Variants in ATF7IP2 observed in about 807,000 individuals in gnomAD.
ATF7IP2 encodes activating transcription factor 7-interacting protein 2.
In ATF7IP2, 42 loss-of-function variants were observed where a neutral mutation model predicts 64.2. That is an observed-to-expected ratio of 0.65 (90% CI 0.51 to 0.85). The LOEUF is 0.85. Among genes scored for constraint, ATF7IP2 ranks in the 40% least tolerant of loss-of-function variants. The pLI is 0.00. For synonymous variants in ATF7IP2, 308 were observed against 272.8 expected (o/e 1.13, Z -1.27); for missense variants, 933 against 784.2 (o/e 1.19, Z -2.27).
At chr16:10,387,824 T>TCCCCCCCCCCCCCCCCCCCCC (rs5815573) in intron 1 of ATF7IP2, 5 of 130,576 alleles carry the variant, frequency 3.8e-5, no homozygotes, top group African/African-American at 6.0e-5. Context: ...TCTATTTTAC[T>TCCCCCCCCCCCCCCCCCCCCC]CCCCCCCCCT....
intron 1 of ATF7IP2, among the ~76,000 whole-genome samples, chr16:10,396,182 A>G (rs1446808678): frequency 6.6e-6 from 1 of 152,190 alleles, no homozygotes; most frequent in East Asian, 1.9e-4. Flanking sequence ...TACAAAACAT[A>G]TACTCTGAAA....
At chr16:10,436,282 A>C (rs1232612633) in intron 6 of ATF7IP2, among the ~76,000 whole-genome samples, 1 of 152,152 alleles carries the variant, frequency 6.6e-6, no homozygotes, top group Non-Finnish European at 1.5e-5. Flanking sequence ...AAATCACTTA[A>C]ACATGGTGGG....
intron 9 of ATF7IP2, 186 bp from the exon 10 acceptor site, chr16:10,471,924 A>G: frequency 9.6e-6 from 4 of 414,678 alleles, no homozygotes; most frequent in Non-Finnish European, 1.7e-5. Context: ...CTTTAGTCAT[A>G]TAACGGAACT....
At chr16:10,427,816 C>T (rs564719422) in intron 3 of ATF7IP2, among the ~76,000 whole-genome samples, 1 of 150,774 alleles carries the variant, frequency 6.6e-6, no homozygotes, top group East Asian at 2.0e-4. Context: ...CCATGCTGCA[C>T]TCCAGCCTGG....
intron 3 of ATF7IP2, among the ~76,000 whole-genome samples, chr16:10,424,554 A>G (rs1283411530): frequency 6.6e-6 from 1 of 152,202 alleles, no homozygotes; most frequent in Non-Finnish European, 1.5e-5. Flanking sequence ...GGGAAAGACA[A>G]TCCATATAAT....
At position 10,482,308 on chromosome 16, in the gene ATF7IP2, C is replaced by T. The variant is rs1053184832; in HGVS notation, c.*59C>T. On this transcript the variant is annotated 3_prime_UTR_variant, in exon 14 of 14. Transcript: ENST00000562102. Reference sequence around the variant, plus strand: ...TCATATTTGTTTGTTTGCAATGTTACTGTAATACTATTTGCCATTGTAAAA... The same window carrying T: ...TCATATTTGTTTGTTTGCAATGTTATTGTAATACTATTTGCCATTGTAAAA... 13 of 1,301,554 alleles carry T rather than the reference C, an allele frequency of 1.0e-5. No homozygotes were observed. In the Admixed American group the frequency reaches 2.7e-4, roughly 27 times the overall value. The allele number at this position is 1,301,554 out of a possible 1,614,324, so 80.6% of individuals were successfully genotyped here.
chr16:10,416,663 G>A (rs762818489), intron 2 of ATF7IP2, among the ~76,000 whole-genome samples: 1 of 152,132 alleles, frequency 6.6e-6, no homozygotes, highest in South Asian at 2.1e-4. Context: ...GTGTGGTAGT[G>A]ATGGGCACCT....
In ATF7IP2 at chr16:10,431,030, C is replaced by G. The variant is rs1192524175; in HGVS notation, c.410C>G (p.Ser137Ter). The change falls in exon 5 of 14, where the codon TCA becomes TGA. Residue 137 changes from serine (S) to a stop codon, truncating the protein, a stop_gained. Coordinates refer to ENST00000562102, the MANE Select transcript of ATF7IP2 (RefSeq NM_001393719.1). LOFTEE classifies it high-confidence loss of function. ...SRVFTEEAKD[S>*]LNTSENDSEH... is the part of the protein sequence containing the mutation. The stretch of plus-strand genomic sequence containing the variant: ...GTCTTCACAGAAGAGGCAAAAGATT[C>G]ACTGAACACTTCTGAAAACGATTCT... The G allele has an allele frequency of 1.2e-6, 2 of 1,614,150 alleles. No homozygotes were observed. The highest frequency in any genetic ancestry group is 8.5e-7 in the Non-Finnish European group (1 of 1,180,032).
chr16:10,474,487 C>A (rs561380127), intron 12 of ATF7IP2, among the ~76,000 whole-genome samples: 32 of 152,102 alleles, frequency 2.1e-4, no homozygotes, highest in South Asian at 1.9e-3. Context: ...TCCCTAACCA[C>A]AACAATAGCA....
intron 3 of ATF7IP2, among the ~76,000 whole-genome samples, chr16:10,427,705 A>G (rs2048112649): frequency 6.6e-6 from 1 of 152,096 alleles, no homozygotes; most frequent in Admixed American, 6.6e-5. Flanking sequence ...AATTTTTTTT[A>G]CAAATTAGCC....
intron 1 of ATF7IP2, among the ~76,000 whole-genome samples, chr16:10,400,931 G>A (rs1301185105): frequency 5.3e-5 from 8 of 151,828 alleles, no homozygotes; most frequent in Admixed American, 2.0e-4. Context: ...TGATCCACCC[G>A]CCTCAGGTGA....
intron 7 of ATF7IP2, among the ~76,000 whole-genome samples, chr16:10,439,533 C>CT (rs760337763): frequency 0.14 from 14,762 of 102,922 alleles, 1,472 homozygotes; most frequent in African/African-American, 0.18. Context: ...CGCCCCCAGC[C>CT]TTTTTTTTTT....
chr16:10,456,991 A>G (rs886330786), intron 8 of ATF7IP2, among the ~76,000 whole-genome samples: 1 of 152,226 alleles, frequency 6.6e-6, no homozygotes, highest in Non-Finnish European at 1.5e-5. Context: ...CAATTGGAAG[A>G]GCAAGTTAGC....
chr16:10,418,656 G>C (rs948469625), intron 2 of ATF7IP2, among the ~76,000 whole-genome samples: 3 of 152,202 alleles, frequency 2.0e-5, no homozygotes, highest in African/African-American at 7.2e-5. Context: ...ATTAAGGTCA[G>C]GTGTGCCTGG....
chr16:10,431,280 T>C lies in ATF7IP2; in HGVS notation c.660T>C (p.Cys220=). 1 of 1,614,210 alleles carries C rather than the reference T, an allele frequency of 6.2e-7. No homozygotes were observed. The highest frequency in any genetic ancestry group is 8.5e-7 in the Non-Finnish European group (1 of 1,180,042). Residue 220 remains cysteine (C), a synonymous_variant, in exon 5 of 14, where the codon TGT becomes TGC. Coordinates refer to ENST00000562102, the MANE Select transcript of ATF7IP2 (RefSeq NM_001393719.1). ...AAAGGCAAAGTGACAACATTTTATG[T>C]TCAGAAGACTCAGGTTTTGTGCCTG... is the stretch of plus-strand genomic sequence containing the variant. ...HDKRQSDNIL[C]SEDSGFVPVE...
At chr16:10,441,006 G>C (rs1433933483) in intron 8 of ATF7IP2, among the ~76,000 whole-genome samples, 1 of 152,060 alleles carries the variant, frequency 6.6e-6, no homozygotes, top group East Asian at 1.9e-4. Context: ...GTAGTGTTTG[G>C]TTTTCTGTTC....
intron 9 of ATF7IP2, among the ~76,000 whole-genome samples, chr16:10,470,060 T>A (rs2049734112): frequency 6.6e-6 from 1 of 152,160 alleles, no homozygotes. Flanking sequence ...GAAAATAGTA[T>A]TAAATAGAAA....
rs572032531 is a variant in ATF7IP2, at chr16:10,474,935, A to G, written c.1549+946A>G. Among the ~76,000 whole-genome samples the G allele has an allele frequency of 9.2e-5, 14 of 152,336 alleles. No individual in the cohort carries two copies. In the East Asian group the frequency reaches 2.7e-3, roughly 29 times the overall value. ...AATATGGCTTTCAAAAAAGAAAGCA[A>G]CTTTGGGAGGTCAGGGCAGGAGGAT... is the stretch of plus-strand genomic sequence containing the variant. On this transcript the variant is annotated intron_variant, in intron 12 of 13. Transcript: ENST00000562102.
At chr16:10,404,378 G>A (rs111572499) in intron 1 of ATF7IP2, among the ~76,000 whole-genome samples, 4,502 of 152,124 alleles carry the variant, frequency 0.03, 221 homozygotes, top group African/African-American at 0.1. Context: ...TCAGCCTCCC[G>A]AGTAGCTGGG....
Sources: gnomAD v4.1 joint callset for allele counts (sites outside exome capture counted in the v4.1 genomes callset) on GRCh38, gnomAD v4.1.1 for gene constraint, MANE v1.5 for transcripts, NCBI Gene and HGNC (gene_info 2026-07-23, HGNC 2026-07-21) for gene names.